TTC39C: variants seen among roughly 807,000 people sequenced by gnomAD.
TTC39C encodes the protein tetratricopeptide repeat protein 39C.
TTC39C carries 33 observed loss-of-function variants against 76.3 expected under a neutral mutation model. The ratio of observed to expected loss-of-function variants is 0.43; its 90% CI spans 0.33 to 0.58. The LOEUF (loss-of-function observed/expected upper bound fraction) is 0.58. Among genes scored for constraint, TTC39C ranks in the 20% least tolerant of loss-of-function variants. TTC39C has a pLI of 0.04. For synonymous variants in TTC39C, 254 were observed against 260.6 expected, an observed-to-expected ratio of 0.97 and a Z score of 0.24; for missense variants, 595 against 701.4, an observed-to-expected ratio of 0.85 and a Z score of 1.71.
intron 1 of TTC39C, among the ~76,000 whole-genome samples, chr18:24,033,977 G>C (rs973501977): frequency 6.6e-6 from 1 of 152,240 alleles, no homozygotes; most frequent in African/African-American, 2.4e-5. Context: ...ACTGAAATTG[G>C]AATGATATCT....
intron 1 of TTC39C, among the ~76,000 whole-genome samples, chr18:24,020,827 T>A (rs1407948746): frequency 6.6e-6 from 1 of 152,024 alleles, no homozygotes; most frequent in Non-Finnish European, 1.5e-5. Flanking sequence ...ACCGATTGAG[T>A]GAGATTACCT....
At chr18:24,108,844 A>T (rs1430951430) in intron 6 of TTC39C, among the ~76,000 whole-genome samples, 1 of 152,200 alleles carries the variant, frequency 6.6e-6, no homozygotes, top group Non-Finnish European at 1.5e-5. Context: ...GATCTTAATT[A>T]TGCCTGTTAG....
At chr18:24,060,556 C>T (rs2145725490) in intron 1 of TTC39C, among the ~76,000 whole-genome samples, 1 of 152,264 alleles carries the variant, frequency 6.6e-6, no homozygotes, top group South Asian at 2.1e-4. Flanking sequence ...GATCTGCCCG[C>T]CTCAGCCTCC....
At chr18:24,061,619 G>C (rs1295427578) in intron 1 of TTC39C, among the ~76,000 whole-genome samples, 3 of 132,952 alleles carry the variant, frequency 2.3e-5, no homozygotes, top group Admixed American at 7.6e-5. Flanking sequence ...AAAAAAAAGC[G>C]TGGGCTGGGT....
intron 1 of TTC39C, among the ~76,000 whole-genome samples, chr18:23,993,553 A>C (rs1378488766): frequency 6.6e-6 from 1 of 152,240 alleles, no homozygotes; most frequent in Non-Finnish European, 1.5e-5. Flanking sequence ...CAAAATAACT[A>C]AAAATGTCAC....
chr18:24,039,802 G>T (rs186478062), intron 1 of TTC39C, among the ~76,000 whole-genome samples: 5 of 152,320 alleles, frequency 3.3e-5, no homozygotes, highest in Non-Finnish European at 7.3e-5. Flanking sequence ...AATGTTATAG[G>T]AGGTAGATTC....
intron 1 of TTC39C, among the ~76,000 whole-genome samples, chr18:24,045,895 A>ATATATATATATGTATATGTATATG (rs1555769923): frequency 1.7e-4 from 7 of 42,376 alleles, no homozygotes; most frequent in African/African-American, 7.4e-4. Flanking sequence ...CTGTGAAAAT[A>ATATATATATATGTATATGTATATG]TATATATATA....
At position 24,132,617 on chromosome 18, in the gene TTC39C, G is replaced by A. The variant is rs774972936; in HGVS notation, c.*43G>A. On this transcript the variant is annotated 3_prime_UTR_variant, in exon 14 of 14. Transcript: ENST00000317571. ...CTCCGTCCCTCCCCACCCAGGGTCC[G>A]CACTTTAAAATAAAAGCAGAGGACA... 9.7e-6 allele frequency: 15 copies of A among 1,544,266 alleles called. No individual in the cohort carries two copies. The highest frequency in any genetic ancestry group is 4.6e-5 in the East Asian group (2 of 43,608).
chr18:24,046,306 C>T (rs1342299117), intron 1 of TTC39C, among the ~76,000 whole-genome samples: 2 of 151,652 alleles, frequency 1.3e-5, no homozygotes, highest in African/African-American at 4.9e-5. Flanking sequence ...CATTTATCAT[C>T]ATGATACAGT....
At chr18:24,036,408 A>G (rs567498647) in intron 1 of TTC39C, among the ~76,000 whole-genome samples, 2 of 152,278 alleles carry the variant, frequency 1.3e-5, no homozygotes, top group African/African-American at 4.8e-5. Context: ...ACTGCTTTAT[A>G]GTTTTCAGTG....
chr18:24,081,962 G>T (rs1421755746), intron 5 of TTC39C, among the ~76,000 whole-genome samples: 5 of 150,878 alleles, frequency 3.3e-5, no homozygotes, highest in African/African-American at 1.2e-4. Context: ...CCAGAAGTAT[G>T]CATTTACATA....
chr18:24,052,794 A>G (rs2083969289), intron 1 of TTC39C, among the ~76,000 whole-genome samples: 1 of 152,130 alleles, frequency 6.6e-6, no homozygotes, highest in Admixed American at 6.5e-5. Flanking sequence ...AGAATTGGAA[A>G]TTTATCATGG....
At chr18:24,026,564 C>T (rs2083602498) in intron 1 of TTC39C, among the ~76,000 whole-genome samples, 1 of 152,154 alleles carries the variant, frequency 6.6e-6, no homozygotes, top group Admixed American at 6.6e-5. Context: ...CTGGTCTCAC[C>T]CTCAACCATG....
intron 6 of TTC39C, among the ~76,000 whole-genome samples, chr18:24,108,437 A>T (rs2084773539): frequency 6.6e-6 from 1 of 152,260 alleles, no homozygotes; most frequent in South Asian, 2.1e-4. Context: ...CTCTTTTCGC[A>T]ACTCTAGACA....
intron 1 of TTC39C, 176 bp downstream of exon 1, chr18:24,015,214 C>A: frequency 1.9e-6 from 1 of 536,204 alleles, no homozygotes. Context: ...GCCACATCTC[C>A]TCGTCCACCC....
At chr18:23,999,329 A>T (rs2083293709) in intron 1 of TTC39C, among the ~76,000 whole-genome samples, 1 of 152,072 alleles carries the variant, frequency 6.6e-6, no homozygotes, top group Non-Finnish European at 1.5e-5. Flanking sequence ...TATGAACCAA[A>T]CTGGCCAGGG....
intron 6 of TTC39C, among the ~76,000 whole-genome samples, chr18:24,086,616 A>G (rs1204543314): frequency 3.3e-5 from 5 of 152,176 alleles, no homozygotes; most frequent in Non-Finnish European, 5.9e-5. Flanking sequence ...CCAGCTGGTG[A>G]GCACAGGATC....
intron 6 of TTC39C, among the ~76,000 whole-genome samples, chr18:24,107,836 T>C (rs1008161094): frequency 2.6e-5 from 4 of 151,700 alleles, no homozygotes. Flanking sequence ...CACAGCTCAT[T>C]GCAGCCTCGA....
chr18:24,047,829 T>G (rs2083904230), intron 1 of TTC39C, among the ~76,000 whole-genome samples: 1 of 152,242 alleles, frequency 6.6e-6, no homozygotes, highest in Non-Finnish European at 1.5e-5. Context: ...TTGAAGACAG[T>G]TCCGTAGAGG....
Sources: gnomAD v4.1 joint callset for allele counts (sites outside exome capture counted in the v4.1 genomes callset) on GRCh38, gnomAD v4.1.1 for gene constraint, MANE v1.5 for transcripts, NCBI Gene and HGNC (gene_info 2026-07-23, HGNC 2026-07-21) for gene names.